Variants in TMEM144 observed in about 807,000 individuals in gnomAD.
TMEM144 encodes the protein transmembrane protein 144.
A neutral mutation model predicts 43.6 loss-of-function variants in TMEM144; 39 were observed. The ratio of observed to expected loss-of-function variants is 0.90; its 90% CI spans 0.69 to 1.17. The LOEUF is 1.17. Ranked by LOEUF, TMEM144 falls within the 50% of genes most tolerant of loss-of-function variation. The probability of loss-of-function intolerance (pLI) is 0.00; values close to 1 mark genes in which losing one functional copy is unlikely to be tolerated. For synonymous variants in TMEM144, 154 were observed against 133.6 expected, an observed-to-expected ratio of 1.15 and a Z score of -1.06; for missense variants, 417 against 411.9, an observed-to-expected ratio of 1.01 and a Z score of -0.11.
At chr4:158,240,221 G>A in intron 9 of TMEM144, 78 bp from the exon 10 acceptor site, 1 of 1,503,598 alleles carries the variant, frequency 6.7e-7, no homozygotes, top group Non-Finnish European at 9.0e-7. Context: ...GTTAATTCTG[G>A]TGAGTTTATT....
At chr4:158,216,678 A>G (rs1158626652) in intron 4 of TMEM144, among the ~76,000 whole-genome samples, 4 of 152,146 alleles carry the variant, frequency 2.6e-5, no homozygotes, top group Non-Finnish European at 5.9e-5. Context: ...TCAAGGGAAA[A>G]TCTTTAGGGG....
chr4:158,252,831 G>T (rs994191314), intron 12 of TMEM144, among the ~76,000 whole-genome samples: 1 of 147,368 alleles, frequency 6.8e-6, no homozygotes, highest in African/African-American at 2.5e-5. Flanking sequence ...AAGAAAAAAA[G>T]AAAAAAAAAT....
chr4:158,248,810 A>C (rs189319242), intron 12 of TMEM144, among the ~76,000 whole-genome samples: 21 of 152,342 alleles, frequency 1.4e-4, no homozygotes, highest in East Asian at 3.9e-4. Flanking sequence ...TAAAGCTGAG[A>C]GCCAAGCACC....
In TMEM144 at chr4:158,254,048, T is replaced by C. The variant is rs1266774869; in HGVS notation, c.*521T>C. 2 of 152,300 alleles carry C rather than the reference T, an allele frequency of 1.3e-5. No homozygotes were observed. The highest frequency in any genetic ancestry group is 2.9e-5 in the Non-Finnish European group (2 of 68,088). 9.4% of individuals were successfully genotyped at this position (152,300 alleles called of 1,614,324 possible). A position where few individuals can be genotyped will look rare whatever the true frequency, so the allele number is the denominator to read the frequency against. On this transcript the variant is annotated 3_prime_UTR_variant, in exon 13 of 13. Transcript: ENST00000296529. ...TAACTAAATGTTAAAAAGGCCATTTTATTATTGTTAGCCAAAACTTCTGTT... is the reference window on the plus strand; with the variant it reads ...TAACTAAATGTTAAAAAGGCCATTTCATTATTGTTAGCCAAAACTTCTGTT...
At chr4:158,232,132 T>C (rs989266523) in intron 6 of TMEM144, among the ~76,000 whole-genome samples, 2 of 152,248 alleles carry the variant, frequency 1.3e-5, no homozygotes. Context: ...TTTGACACAT[T>C]TTAACAAATT....
At chr4:158,213,012 T>G in intron 3 of TMEM144, 1 of 562,562 alleles carries the variant, frequency 1.8e-6, no homozygotes. Flanking sequence ...GGAAATCTCT[T>G]GGGCCATTAT....
At chr4:158,227,550 CTCTTTCTT>C (rs974110736) in intron 6 of TMEM144, among the ~76,000 whole-genome samples, 1 of 152,052 alleles carries the variant, frequency 6.6e-6, no homozygotes, top group East Asian at 1.9e-4. Context: ...CTCTCTTTCT[CTCTTTCTT>C]TATCTCTTTG....
chr4:158,253,408 C>T, intron 12 of TMEM144, 36 bp from the exon 13 acceptor site: 2 of 1,521,428 alleles, frequency 1.3e-6, no homozygotes, highest in Non-Finnish European at 9.1e-7. Flanking sequence ...TTGATTCAGG[C>T]CTTATTCATC....
intron 12 of TMEM144, among the ~76,000 whole-genome samples, chr4:158,250,179 GTTAA>G (rs1420793569): frequency 7.3e-6 from 1 of 136,088 alleles, no homozygotes; most frequent in Middle Eastern, 3.9e-3. Context: ...ATTTGATTTT[GTTAA>G]TTAATACATA....
intron 6 of TMEM144, among the ~76,000 whole-genome samples, chr4:158,228,817 G>A (rs893887912): frequency 2.6e-5 from 4 of 152,058 alleles, no homozygotes; most frequent in East Asian, 1.9e-4. Context: ...TGGTTTATTC[G>A]GCCAGGAGCA....
chr4:158,244,400 C>T (rs1350528693), intron 12 of TMEM144, 51 bp downstream of exon 12: 19 of 1,488,070 alleles, frequency 1.3e-5, no homozygotes, highest in Middle Eastern at 3.5e-4. Context: ...GTAGGCCGGG[C>T]GTGGTGGCTC....
intron 4 of TMEM144, 81 bp from the exon 5 acceptor site, chr4:158,217,240 G>T: frequency 1.0e-6 from 1 of 982,242 alleles, no homozygotes. Flanking sequence ...TTCAGTTGAA[G>T]TTAGAATAAA....
Position 158,219,335 on chromosome 4 carries a change from G to A in TMEM144, c.358G>A (p.Glu120Lys), listed in dbSNP as rs754262235. The change falls in exon 6 of 13, where the codon GAA (glutamate) becomes AAA (lysine). Residue 120 changes from glutamate (E) to lysine (K), a missense_variant. Transcript: ENST00000296529. Reference protein sequence around the residue: ...SRFGWFGLDAEEVSNPLLNYI... With the variant: ...SRFGWFGLDAKEVSNPLLNYI... ...GTTTGGCTGGTTTGGATTGGATGCA[G>A]AAGAAGTATCAAATCCGCTGCTAAA... 22 of 1,613,682 alleles carry A rather than the reference G, an allele frequency of 1.4e-5. No individual in the cohort carries two copies. Among genetic ancestry groups the A allele is most frequent in the Non-Finnish European group, 1.8e-5 (21 of 1,179,784 alleles).
In TMEM144 at chr4:158,237,005, ACTT is replaced by A. The variant is rs1380128217; in HGVS notation, c.564-513_564-511del. On this transcript the variant is annotated intron_variant, in intron 8 of 12. Transcript: ENST00000296529. ...ACCCAGATTATTTAATTAAATCAGC[ACTT>A]CTTCTTGACCATGGCATTGTCAACT... is the stretch of plus-strand genomic sequence containing the variant. Among the ~76,000 whole-genome samples the A allele has an allele frequency of 6.6e-5, 10 of 152,284 alleles. No individual in the cohort carries two copies. The South Asian group carries it at 1.2e-3, about 19-fold the overall frequency.
At chr4:158,237,293 A>C in intron 8 of TMEM144, 1 of 434,270 alleles carries the variant, frequency 2.3e-6, no homozygotes, top group Non-Finnish European at 4.1e-6. Context: ...TCTATAAATC[A>C]TGTACTTCTA....
At chr4:158,225,986 G>A (rs1053377115) in intron 6 of TMEM144, among the ~76,000 whole-genome samples, 2 of 152,240 alleles carry the variant, frequency 1.3e-5, no homozygotes, top group Non-Finnish European at 2.9e-5. Flanking sequence ...ATGCCTGGTC[G>A]ACTGGAGGAC....
intron 4 of TMEM144, 112 bp downstream of exon 4, chr4:158,215,425 T>C (rs1393891921): frequency 1.5e-6 from 2 of 1,295,314 alleles, no homozygotes; most frequent in Non-Finnish European, 2.0e-6. Flanking sequence ...CCCTTAGTCA[T>C]AGATACTAGA....
chr4:158,219,517 C>T (rs1734408649), intron 6 of TMEM144, 127 bp downstream of exon 6: 1 of 951,216 alleles, frequency 1.1e-6, no homozygotes, highest in African/African-American at 1.6e-5. Context: ...TCCTCAGATT[C>T]TTCATTTACA....
intron 5 of TMEM144, 116 bp downstream of exon 5, chr4:158,217,536 T>C: frequency 1.4e-6 from 1 of 714,646 alleles, no homozygotes; most frequent in South Asian, 1.9e-5. Flanking sequence ...TTATAGCTGG[T>C]AAAACATACA....
Sources: gnomAD v4.1 joint callset for allele counts (sites outside exome capture counted in the v4.1 genomes callset) on GRCh38, gnomAD v4.1.1 for gene constraint, MANE v1.5 for transcripts, NCBI Gene and HGNC (gene_info 2026-07-23, HGNC 2026-07-21) for gene names.